The following MACROD2 variants were observed in gnomAD, a reference collection of about 807,000 sequenced individuals.
MACROD2 encodes the protein mono-ADP ribosylhydrolase 2.
In MACROD2, 36 loss-of-function variants were observed where a neutral mutation model predicts 70.4. The observed-to-expected ratio is 0.51, with a 90% confidence interval of 0.39 to 0.68. MACROD2 has a LOEUF of 0.68. Among genes scored for constraint, MACROD2 ranks in the 30% least tolerant of loss-of-function variants. The probability of loss-of-function intolerance (pLI) is 0.00; values close to 1 mark genes in which losing one functional copy is unlikely to be tolerated. For missense variants in MACROD2, 496 were observed against 538.4 expected, an observed-to-expected ratio of 0.92 and a Z score of 0.78; for synonymous variants, 172 against 178.8, an observed-to-expected ratio of 0.96 and a Z score of 0.30.
chr20:14,993,464 T>G (rs1410642939), intron 5 of MACROD2, among the ~76,000 whole-genome samples: 1 of 152,096 alleles, frequency 6.6e-6, no homozygotes, highest in Non-Finnish European at 1.5e-5. Context: ...CCATTTTCTG[T>G]GTGTCTTTAT....
intron 13 of MACROD2, among the ~76,000 whole-genome samples, chr20:15,986,241 C>T (rs537707802): frequency 2.4e-4 from 37 of 152,262 alleles, no homozygotes; most frequent in African/African-American, 8.9e-4. Flanking sequence ...TCTCTCTCTT[C>T]CCTCAGAGCT....
At chr20:16,036,525 C>A (rs2067238800) in intron 15 of MACROD2, among the ~76,000 whole-genome samples, 1 of 151,986 alleles carries the variant, frequency 6.6e-6, no homozygotes, top group Non-Finnish European at 1.5e-5. Context: ...CTTTTATCCC[C>A]TGCTAGGAGC....
chr20:14,201,397 A>G (rs2081478375), intron 3 of MACROD2, among the ~76,000 whole-genome samples: 1 of 152,178 alleles, frequency 6.6e-6, no homozygotes, highest in African/African-American at 2.4e-5. Flanking sequence ...AAACCTGCAT[A>G]TTTTGTGCTT....
chr20:15,283,169 G>A (rs2077461020), intron 6 of MACROD2, among the ~76,000 whole-genome samples: 3 of 152,234 alleles, frequency 2.0e-5, no homozygotes, highest in Middle Eastern at 3.4e-3. Flanking sequence ...TGGGATTATG[G>A]GGATTACATT....
intron 4 of MACROD2, among the ~76,000 whole-genome samples, chr20:14,506,734 A>G (rs1208449131): frequency 6.6e-6 from 1 of 152,116 alleles, no homozygotes; most frequent in South Asian, 2.1e-4. Flanking sequence ...ACAGACAACG[A>G]GGTCAGGAAA....
intron 5 of MACROD2, among the ~76,000 whole-genome samples, chr20:15,009,801 T>G (rs2122929281): frequency 6.8e-6 from 1 of 147,694 alleles, no homozygotes; most frequent in Admixed American, 6.8e-5. Context: ...TACCACTGAA[T>G]ACATTGTTTC....
intron 5 of MACROD2, among the ~76,000 whole-genome samples, chr20:14,986,536 C>T (rs2074850284): frequency 1.3e-5 from 2 of 152,100 alleles, no homozygotes; most frequent in East Asian, 1.9e-4. Flanking sequence ...GTCTTGTTAG[C>T]AGAAAAGGCT....
chr20:15,514,012 A>T (rs1442481642), intron 8 of MACROD2, among the ~76,000 whole-genome samples: 1 of 152,324 alleles, frequency 6.6e-6, no homozygotes, highest in East Asian at 1.9e-4. Flanking sequence ...GTCAATGAAC[A>T]GATTTAAAAT....
intron 8 of MACROD2, among the ~76,000 whole-genome samples, chr20:15,513,757 GGGTAACT>G (rs1568860300): frequency 6.6e-6 from 1 of 152,096 alleles, no homozygotes; most frequent in African/African-American, 2.4e-5. Context: ...TAATACCCCA[GGGTAACT>G]GGATTTCAAA....
chr20:14,818,457 G>A (rs1368081557), intron 5 of MACROD2, among the ~76,000 whole-genome samples: 1 of 152,068 alleles, frequency 6.6e-6, no homozygotes, highest in Non-Finnish European at 1.5e-5. Context: ...ATAGAAAAGG[G>A]AGGAGTCAGT....
At chr20:14,836,933 G>A (rs1358612560) in intron 5 of MACROD2, among the ~76,000 whole-genome samples, 1 of 152,076 alleles carries the variant, frequency 6.6e-6, no homozygotes, top group African/African-American at 2.4e-5. Context: ...AATAATGAAG[G>A]TAGTTTGTAT....
intron 8 of MACROD2, among the ~76,000 whole-genome samples, chr20:15,796,028 G>C (rs2063670230): frequency 6.6e-6 from 1 of 152,128 alleles, no homozygotes; most frequent in Admixed American, 6.5e-5. Flanking sequence ...CTCTTTGAAG[G>C]GCAGCATTTC....
chr20:15,090,331 G>T (rs1266786664), intron 5 of MACROD2, among the ~76,000 whole-genome samples: 1 of 151,878 alleles, frequency 6.6e-6, no homozygotes, highest in East Asian at 1.9e-4. Flanking sequence ...TTCTTCCATG[G>T]CACTACACTC....
At chr20:15,044,869 A>G (rs1379306847) in intron 5 of MACROD2, among the ~76,000 whole-genome samples, 1 of 152,162 alleles carries the variant, frequency 6.6e-6, no homozygotes, top group Non-Finnish European at 1.5e-5. Flanking sequence ...ATAAAACGTT[A>G]TGTGCAGTTG....
At chr20:15,903,895 C>T (rs987070860) in intron 10 of MACROD2, among the ~76,000 whole-genome samples, 1 of 152,136 alleles carries the variant, frequency 6.6e-6, no homozygotes, top group Non-Finnish European at 1.5e-5. Context: ...GATAATTGGT[C>T]ACTTTTGGAC....
chr20:14,795,798 C>G (rs2072502874), intron 5 of MACROD2, among the ~76,000 whole-genome samples: 1 of 151,928 alleles, frequency 6.6e-6, no homozygotes, highest in African/African-American at 2.4e-5. Flanking sequence ...ATTGTAAAGA[C>G]TGGAATAGTA....
intron 2 of MACROD2, among the ~76,000 whole-genome samples, chr20:14,070,517 T>C (rs981199311): frequency 1.3e-5 from 2 of 152,204 alleles, no homozygotes; most frequent in Non-Finnish European, 2.9e-5. Context: ...TGATAATACA[T>C]TTATTATAAT....
Position 14,336,745 on chromosome 20 carries a change from G to A in MACROD2, c.272-156734G>A, listed in dbSNP as rs117862512. 1.5e-3 allele frequency among the ~76,000 whole-genome samples: 221 copies of A among 152,306 alleles called. 2 individuals are homozygous for A. In the East Asian group the frequency reaches 0.025, roughly 17 times the overall value. On this transcript the variant is annotated intron_variant, in intron 3 of 17. Transcript: ENST00000684519. Reference sequence around the variant, plus strand: ...ACTTGCCTAAGCAATGGATTTTGGTGTTCTATTGAAGAGGGAATATGGTTT... The same window carrying A: ...ACTTGCCTAAGCAATGGATTTTGGTATTCTATTGAAGAGGGAATATGGTTT...
chr20:14,348,455 G>A lies in MACROD2; in HGVS notation c.272-145024G>A, dbSNP rs889067072. ...GGATGTGTTATCTACTAAATAGTGTGCCAGAATCCTAATAGGCATTTCTAT... is the reference window on the plus strand; with the variant it reads ...GGATGTGTTATCTACTAAATAGTGTACCAGAATCCTAATAGGCATTTCTAT... On this transcript the variant is annotated intron_variant, in intron 3 of 17. Transcript: ENST00000684519. Among the ~76,000 whole-genome samples the A allele has an allele frequency of 4.6e-5, 7 of 151,832 alleles. No individual in the cohort carries two copies. The East Asian group carries it at 7.7e-4, about 17-fold the overall frequency.
Sources: gnomAD v4.1 joint callset for allele counts (sites outside exome capture counted in the v4.1 genomes callset) on GRCh38, gnomAD v4.1.1 for gene constraint, MANE v1.5 for transcripts, NCBI Gene and HGNC (gene_info 2026-07-23, HGNC 2026-07-21) for gene names.